The following MYH9 variants were observed in gnomAD, a reference collection of about 807,000 sequenced individuals.
MYH9 encodes the protein myosin-9.
A neutral mutation model predicts 241.9 loss-of-function variants in MYH9; 29 were observed. That is an observed-to-expected ratio of 0.12 (90% CI 0.09 to 0.16). The LOEUF (loss-of-function observed/expected upper bound fraction) is 0.16. Among genes scored for constraint, MYH9 ranks in the 10% least tolerant of loss-of-function variants. The probability of loss-of-function intolerance (pLI) is 1.00; values close to 1 mark genes in which losing one functional copy is unlikely to be tolerated. For missense variants in MYH9, 1,803 were observed against 2,595.5 expected (o/e 0.69, Z 6.63); for synonymous variants, 1,047 against 1,062.6 (o/e 0.99, Z 0.29).
chr22:36,297,420 C>A (rs769431320), intron 24 of MYH9: 75 of 182,850 alleles, frequency 4.1e-4, no homozygotes, highest in Non-Finnish European at 8.5e-4. Flanking sequence ...CTATGTCTAG[C>A]TTTATAACTC....
At position 36,309,483 on chromosome 22, in the gene MYH9, C is replaced by T. The variant is rs572763965; in HGVS notation, c.1729-87G>A. On this transcript the variant is annotated intron_variant, in intron 14 of 40. Coordinates refer to ENST00000216181, the MANE Select transcript of MYH9 (RefSeq NM_002473.6). The stretch of plus-strand genomic sequence containing the variant: ...CTCCGGAGCACAGGCTAACCCCATG[C>T]ATGGAAAAGTCAGAAAACGTGAAGA... 41 of 1,015,094 alleles carry T rather than the reference C, an allele frequency of 4.0e-5. 1 individual carries two copies. In the African/African-American group the frequency reaches 4.3e-4, roughly 11 times the overall value. The allele number at this position is 1,015,094 out of a possible 1,614,324, so 62.9% of individuals were successfully genotyped here.
At chr22:36,286,640 G>A (rs2016586082) in intron 35 of MYH9, 78 bp downstream of exon 35, 1 of 1,595,842 alleles carries the variant, frequency 6.3e-7, no homozygotes, top group African/African-American at 1.3e-5. Context: ...CTCCAGCCCT[G>A]TCCTCAGCTG....
chr22:36,348,135 A>T (rs543995465), intron 2 of MYH9, among the ~76,000 whole-genome samples: 6 of 148,590 alleles, frequency 4.0e-5, no homozygotes, highest in South Asian at 2.1e-4. Context: ...TATTTTATTT[A>T]AAAAAATTTT....
chr22:36,345,878 G>A (rs1381730970), intron 2 of MYH9, among the ~76,000 whole-genome samples: 2 of 152,182 alleles, frequency 1.3e-5, no homozygotes, highest in Non-Finnish European at 2.9e-5. Flanking sequence ...GCCGGGCGTG[G>A]TGGCTCACGC....
At chr22:36,302,724 C>T (rs369553976) in intron 19 of MYH9, 48 bp from the exon 20 acceptor site, 29 of 1,513,646 alleles carry the variant, frequency 1.9e-5, no homozygotes, top group African/African-American at 5.5e-5. Flanking sequence ...ACAGCAGACC[C>T]GACCTAACAG....
At chr22:36,353,285 G>A (rs2017801709) in intron 1 of MYH9, among the ~76,000 whole-genome samples, 1 of 152,192 alleles carries the variant, frequency 6.6e-6, no homozygotes, top group Non-Finnish European at 1.5e-5. Context: ...GGATACCCGG[G>A]AGGTAGTCTA....
At chr22:36,324,732 C>T (rs777241420) in intron 5 of MYH9, among the ~76,000 whole-genome samples, 4 of 152,250 alleles carry the variant, frequency 2.6e-5, no homozygotes, top group African/African-American at 7.2e-5. Flanking sequence ...TGGTCTTTCA[C>T]GCTGACAGCC....
At chr22:36,296,540 CTTTTTTT>C (rs67917055) in intron 25 of MYH9, among the ~76,000 whole-genome samples, 2 of 100,890 alleles carry the variant, frequency 2.0e-5, no homozygotes, top group African/African-American at 4.0e-5. Flanking sequence ...CTGGTCAAGT[CTTTTTTT>C]TTTTTTTTTT....
intron 1 of MYH9, among the ~76,000 whole-genome samples, chr22:36,360,071 A>ACCACCC: frequency 8.4e-6 from 1 of 118,674 alleles, no homozygotes; most frequent in African/African-American, 3.1e-5. Context: ...CACCACCACC[A>ACCACCC]CCACCTAACA....
At position 36,306,674 on chromosome 22, in the gene MYH9, GGA is replaced by G. The variant is rs1256316012; in HGVS notation, c.1844-69_1844-68del. The stretch of plus-strand genomic sequence containing the variant: ...CAGCTGGGTGGTGGGGGAGCACGTA[GGA>G]GAGAGAGACAGGCACACGTCGGACA... On this transcript the variant is annotated intron_variant, in intron 15 of 40. Coordinates refer to ENST00000216181, the MANE Select transcript of MYH9 (RefSeq NM_002473.6). This position sits in a 1 kb window ranked among gnomAD's most constrained non-coding sequence, Gnocchi z 4.1. 1 of 1,473,140 alleles carries G rather than the reference GGA, an allele frequency of 6.8e-7. No homozygotes were observed. The highest frequency in any genetic ancestry group is 9.3e-7 in the Non-Finnish European group (1 of 1,073,738). The allele number at this position is 1,473,140 out of a possible 1,614,324, so 91.3% of individuals were successfully genotyped here. A position where few individuals can be genotyped will look rare whatever the true frequency, so the allele number is the denominator to read the frequency against.
At chr22:36,334,781 G>A (rs1055971145) in intron 3 of MYH9, among the ~76,000 whole-genome samples, 20 of 152,242 alleles carry the variant, frequency 1.3e-4, no homozygotes, top group African/African-American at 4.1e-4. Context: ...TCACACACAC[G>A]GCGTCTTACT....
At chr22:36,284,614 T>C in intron 38 of MYH9, 103 bp from the exon 39 acceptor site, 1 of 1,126,026 alleles carries the variant, frequency 8.9e-7, no homozygotes, top group Non-Finnish European at 1.3e-6. Flanking sequence ...CACTGGCATC[T>C]AGGGATCACG....
intron 1 of MYH9, among the ~76,000 whole-genome samples, chr22:36,377,472 G>A (rs1027355719): frequency 6.6e-6 from 1 of 152,152 alleles, no homozygotes; most frequent in African/African-American, 2.4e-5. Flanking sequence ...GAATTGAACT[G>A]TATGGGAAAA....
chr22:36,365,303 G>A (rs1217439786), intron 1 of MYH9, among the ~76,000 whole-genome samples: 1 of 152,086 alleles, frequency 6.6e-6, no homozygotes, highest in African/African-American at 2.4e-5. Flanking sequence ...AAGCCCTTTA[G>A]TAAAGGAGTC....
At chr22:36,284,653 G>T in intron 38 of MYH9, 142 bp from the exon 39 acceptor site, 2 of 782,286 alleles carry the variant, frequency 2.6e-6, no homozygotes, top group Non-Finnish European at 4.4e-6. Context: ...ACACCTATGT[G>T]TACCCGGCTT....
At chr22:36,386,357 G>A (rs2018350840) in intron 1 of MYH9, among the ~76,000 whole-genome samples, 1 of 152,000 alleles carries the variant, frequency 6.6e-6, no homozygotes, top group East Asian at 1.9e-4. Flanking sequence ...ACACATAGCA[G>A]CCTTGTATAT....
chr22:36,289,027 T>A, intron 32 of MYH9, 58 bp downstream of exon 32: 1 of 1,613,028 alleles, frequency 6.2e-7, no homozygotes, highest in East Asian at 2.2e-5. Context: ...ACACCGACCC[T>A]CTGTGATGAC....
intron 1 of MYH9, among the ~76,000 whole-genome samples, 151 bp downstream of exon 1, chr22:36,387,656 G>C (rs1412754208): frequency 6.6e-6 from 1 of 151,368 alleles, no homozygotes; most frequent in Non-Finnish European, 1.5e-5. Context: ...ATGCGGTGCC[G>C]GGCCCTGAGC....
Position 36,305,111 on chromosome 22 carries a change from G to T in MYH9, c.2160-9C>A. 1 of 1,611,136 alleles carries T rather than the reference G, an allele frequency of 6.2e-7. No individual in the cohort carries two copies. The highest frequency in any genetic ancestry group is 8.5e-7 in the Non-Finnish European group (1 of 1,177,332). On this transcript the variant is annotated splice_polypyrimidine_tract_variant and intron_variant, in intron 17 of 40. Transcript: ENST00000216181. This position sits in a 1 kb window ranked among gnomAD's most constrained non-coding sequence, Gnocchi z 4.7. ...GAGTCAGGATCTCATATCTGAGGAA[G>T]GAAAGAGAAGCCTGGTCATTTTACC...
Sources: gnomAD v4.1 joint callset for allele counts (sites outside exome capture counted in the v4.1 genomes callset) on GRCh38, gnomAD v4.1.1 for gene constraint, Gnocchi (gnomAD v3.1) non-coding constraint, MANE v1.5 for transcripts, NCBI Gene and HGNC (gene_info 2026-07-23, HGNC 2026-07-21) for gene names.